The following BARD1 variants were observed in gnomAD, a reference collection of about 807,000 sequenced individuals.
BARD1 encodes the protein BRCA1 associated RING domain 1.
A neutral mutation model predicts 77.0 loss-of-function variants in BARD1; 73 were observed. That is an observed-to-expected ratio of 0.95 (90% CI 0.79 to 1.15). BARD1 has a LOEUF of 1.15. Ranked by LOEUF, BARD1 falls within the 50% of genes most tolerant of loss-of-function variation. BARD1 has a pLI of 0.00. For missense variants in BARD1, 993 were observed against 938.8 expected (o/e 1.06, Z -0.75); for synonymous variants, 384 against 338.0 (o/e 1.14, Z -1.49).
At chr2:214,768,567 T>A (rs1694322795) in intron 5 of BARD1, among the ~76,000 whole-genome samples, 1 of 52,954 alleles carries the variant, frequency 1.9e-5, no homozygotes, top group Non-Finnish European at 3.6e-5. Context: ...TCCTAATTTC[T>A]GGGCTGAATT....
intron 6 of BARD1, among the ~76,000 whole-genome samples, chr2:214,763,108 G>A (rs549896030): frequency 3.3e-5 from 5 of 152,114 alleles, no homozygotes; most frequent in East Asian, 3.9e-4. Context: ...CATCACTAAC[G>A]GAAGTTCCTA....
chr2:214,807,768 T>C (rs1199775782), intron 1 of BARD1, among the ~76,000 whole-genome samples: 1 of 152,150 alleles, frequency 6.6e-6, no homozygotes. Flanking sequence ...TACTCAATAG[T>C]GTCAAAGCTA....
At chr2:214,776,785 A>G (rs1460767392) in intron 4 of BARD1, among the ~76,000 whole-genome samples, 1 of 152,196 alleles carries the variant, frequency 6.6e-6, no homozygotes, top group African/African-American at 2.4e-5. Context: ...ACACCTTGAG[A>G]TGGGGAGATT....
At chr2:214,776,051 T>G (rs1045241559) in intron 4 of BARD1, among the ~76,000 whole-genome samples, 3 of 152,226 alleles carry the variant, frequency 2.0e-5, no homozygotes, top group Admixed American at 6.5e-5. Context: ...TGTTATGTTC[T>G]AAGCATACCA....
rs77242865 is a variant in BARD1 at position 214,800,092 on chromosome 2, G to A, written c.159-2975C>T. ...TTTCTCTGGCAATACTTGACTCAAC[G>A]CCTTGATTCTGTTTCTCAACTTTAA... On this transcript the variant is annotated intron_variant, in intron 1 of 10. Transcript: ENST00000260947. Among the ~76,000 whole-genome samples, 322 of 152,236 alleles carry A rather than the reference G, an allele frequency of 2.1e-3. 3 individuals are homozygous for A. The highest frequency in any genetic ancestry group is 0.015 in the Admixed American group (237 of 15,298).
At chr2:214,762,689 C>A in intron 6 of BARD1, among the ~76,000 whole-genome samples, 1 of 152,168 alleles carries the variant, frequency 6.6e-6, no homozygotes, top group Non-Finnish European at 1.5e-5. Flanking sequence ...TATCAATCGA[C>A]TTGATAGAAA....
At position 214,780,628 on chromosome 2, in the gene BARD1, G is replaced by A; in HGVS notation, c.1246C>T (p.Leu416=). 6.2e-7 allele frequency: 1 copy of A among 1,614,050 alleles called. No individual in the cohort carries two copies. Among genetic ancestry groups the A allele is most frequent in the Non-Finnish European group, 8.5e-7 (1 of 1,179,962 alleles). The change falls in exon 4 of 11, where the codon CTG becomes TTG. Residue 416 remains leucine (L), a synonymous_variant. Coordinates refer to ENST00000260947, the MANE Select transcript of BARD1 (RefSeq NM_000465.4). ...CTTTTCACAGCCATATTGGGCAACA[G>A]CTTCATTGCTGAGGGACTAGACATC... ...RVMSSPSAMK[L]LPNMAVKRNH...
At chr2:214,799,015 G>T (rs1248680922) in intron 1 of BARD1, among the ~76,000 whole-genome samples, 1 of 152,152 alleles carries the variant, frequency 6.6e-6, no homozygotes, top group African/African-American at 2.4e-5. Flanking sequence ...AACTTGGGAG[G>T]CTGAGGCACA....
intron 9 of BARD1, among the ~76,000 whole-genome samples, chr2:214,743,719 G>A (rs1692957933): frequency 6.6e-6 from 1 of 152,086 alleles, no homozygotes. Flanking sequence ...AAGTGGCTGG[G>A]ATTACAGGCA....
chr2:214,727,809 C>T lies in BARD1; in HGVS notation c.*867G>A, dbSNP rs1574699668. 3 of 224,332 alleles carry T rather than the reference C, an allele frequency of 1.3e-5. No homozygotes were observed. In the East Asian group the frequency reaches 1.9e-4, roughly 15 times the overall value. 13.9% of individuals were successfully genotyped at this position (224,332 alleles called of 1,614,324 possible). A position where few individuals can be genotyped will look rare whatever the true frequency, so the allele number is the denominator to read the frequency against. On this transcript the variant is annotated 3_prime_UTR_variant, in exon 11 of 11. Coordinates refer to ENST00000260947, the MANE Select transcript of BARD1 (RefSeq NM_000465.4). ...ACCTTCAAAATTATTTTACAAATAC[C>T]AACAAGGTTTACCAGAAGAAGACTG...
Position 214,781,422 on chromosome 2 carries a change from C to T in BARD1, c.452G>A (p.Ser151Asn), listed in dbSNP as rs1574821425. The change falls in exon 4 of 11, where the codon AGT becomes AAT. Residue 151 changes from serine (S) to asparagine (N), a missense_variant. Transcript: ENST00000260947. Reference protein sequence around the residue: ...NSIKMWFSPRSKKVRYVVSKA... With the variant: ...NSIKMWFSPRNKKVRYVVSKA... ...ACTCACAACATATCTGACTTTCTTA[C>T]TTCGAGGGCTAAACCACATTTTAAT... 1 of 1,613,494 alleles carries T rather than the reference C, an allele frequency of 6.2e-7. No individual in the cohort carries two copies. The highest frequency in any genetic ancestry group is 8.5e-7 in the Non-Finnish European group (1 of 1,179,874).
At chr2:214,778,295 C>T (rs1450592515) in intron 4 of BARD1, among the ~76,000 whole-genome samples, 3 of 147,114 alleles carry the variant, frequency 2.0e-5, no homozygotes, top group Middle Eastern at 3.6e-3. Flanking sequence ...AAAGCTAAGG[C>T]GAGAGGCATA....
rs760986670 is a variant in BARD1, at chr2:214,751,079, CTGTG to C, written c.1677+1364_1677+1367del. Among the ~76,000 whole-genome samples the C allele has an allele frequency of 5.3e-3, 208 of 39,244 alleles. 2 individuals carry two copies. Among genetic ancestry groups the C allele is most frequent in the East Asian group, 0.016 (24 of 1,508 alleles). The allele number at this position is 39,244 out of a possible 152,430, so 25.7% of individuals were successfully genotyped here. On this transcript the variant is annotated intron_variant, in intron 7 of 10. Coordinates refer to ENST00000260947, the MANE Select transcript of BARD1 (RefSeq NM_000465.4). ...TTAGGACACCTTTCTCTGTGAAATT[CTGTG>C]TGTGTGTGTGTGTGTGTGTGTGTGT...
Position 214,809,640 on chromosome 2 carries a change from C to T in BARD1, c.-71G>A. On this transcript the variant is annotated 5_prime_UTR_variant, in exon 1 of 11. Coordinates refer to ENST00000260947, the MANE Select transcript of BARD1 (RefSeq NM_000465.4). ...GAAGCCTCGGGAAACCACAGGGAAG[C>T]TGCAGGCCAGCGACTCGAAACCGGC... is the stretch of plus-strand genomic sequence containing the variant. 2.0e-6 allele frequency: 3 copies of T among 1,509,436 alleles called. No individual in the cohort carries two copies. Among genetic ancestry groups the T allele is most frequent in the Non-Finnish European group, 2.7e-6 (3 of 1,125,890 alleles). 93.5% of individuals were successfully genotyped at this position (1,509,436 alleles called of 1,614,324 possible).
Position 214,809,671 on chromosome 2 carries a change from T to C in BARD1, c.-102A>G. 2.1e-6 allele frequency: 3 copies of C among 1,441,682 alleles called. No homozygotes were observed. 89.3% of individuals were successfully genotyped at this position (1,441,682 alleles called of 1,614,324 possible). ...GCCAGCGACTCGAAACCGGCCAAGCTCTTCCCGCGTCTGGGACGGCGGGCC... is the reference window on the plus strand; with the variant it reads ...GCCAGCGACTCGAAACCGGCCAAGCCCTTCCCGCGTCTGGGACGGCGGGCC... On this transcript the variant is annotated 5_prime_UTR_variant, in exon 1 of 11. Transcript: ENST00000260947.
rs771546006 is a variant in BARD1, at chr2:214,745,061, A to ACTTACATTCAAATTTTAGAATCCAGCC, written c.1903+5_1903+6insGGCTGGATTCTAAAATTTGAATGTAAG. The ACTTACATTCAAATTTTAGAATCCAGCC allele has an allele frequency of 3.1e-6, 5 of 1,611,168 alleles. No individual in the cohort carries two copies. The highest frequency in any genetic ancestry group is 1.7e-4 in the Middle Eastern group (1 of 6,058). On this transcript the variant is annotated splice_donor_region_variant and intron_variant, in intron 9 of 10. Transcript: ENST00000260947. ...ATTTCTTAATTCTCTCAAATCCAAC[A>ACTTACATTCAAATTTTAGAATCCAGCC]CTTACATTCAAATTTTAGAATCCAG...
intron 1 of BARD1, among the ~76,000 whole-genome samples, chr2:214,799,386 C>A (rs1004928584): frequency 3.3e-5 from 5 of 152,124 alleles, no homozygotes; most frequent in Non-Finnish European, 5.9e-5. Context: ...GTAATGTATT[C>A]AATATTCTAT....
At position 214,809,630 on chromosome 2, in the gene BARD1, C is replaced by G. The variant is rs1696485125; in HGVS notation, c.-61G>C. 6.6e-7 allele frequency: 1 copy of G among 1,515,476 alleles called. No individual in the cohort carries two copies. Among genetic ancestry groups the G allele is most frequent in the Admixed American group, 2.0e-5 (1 of 50,660 alleles). The allele number at this position is 1,515,476 out of a possible 1,614,324, so 93.9% of individuals were successfully genotyped here. On this transcript the variant is annotated 5_prime_UTR_variant, in exon 1 of 11. Coordinates refer to ENST00000260947, the MANE Select transcript of BARD1 (RefSeq NM_000465.4). ...GGGAAGCAAGGAAGCCTCGGGAAAC[C>G]ACAGGGAAGCTGCAGGCCAGCGACT...
chr2:214,798,173 A>C (rs952683576), intron 1 of BARD1, among the ~76,000 whole-genome samples: 11 of 152,188 alleles, frequency 7.2e-5, no homozygotes, highest in Non-Finnish European at 1.3e-4. Context: ...ATCTTAATAG[A>C]TATGAACATT....
Sources: allele counts gnomAD v4.1 joint callset (sites outside exome capture counted in the v4.1 genomes callset), GRCh38; gene constraint gnomAD v4.1.1; transcripts MANE v1.5; gene names NCBI Gene and HGNC (gene_info 2026-07-23, HGNC 2026-07-21).